The following GABPB1 variants were observed in gnomAD, a reference collection of about 807,000 sequenced individuals.
GABPB1 encodes GA-binding protein subunit beta-1.
A neutral mutation model predicts 45.9 loss-of-function variants in GABPB1; 15 were observed. The observed-to-expected ratio is 0.33, with a 90% CI of 0.22 to 0.50. The LOEUF is 0.50. Ranked by LOEUF, GABPB1 falls within the 20% of genes least tolerant of loss-of-function variation. The probability of loss-of-function intolerance (pLI) is 0.98; values close to 1 mark genes in which losing one functional copy is unlikely to be tolerated. For missense variants in GABPB1, 252 were observed against 457.5 expected, an observed-to-expected ratio of 0.55 and a Z score of 4.10; for synonymous variants, 143 against 154.4, an observed-to-expected ratio of 0.93 and a Z score of 0.55.
chr15:50,297,779 G>C (rs2046574428), intron 6 of GABPB1, among the ~76,000 whole-genome samples: 1 of 152,190 alleles, frequency 6.6e-6, no homozygotes, highest in South Asian at 2.1e-4. Context: ...AGGCTTCAGT[G>C]AGCCAAGATC....
chr15:50,294,345 C>T (rs1296777679), intron 6 of GABPB1, among the ~76,000 whole-genome samples: 1 of 152,098 alleles, frequency 6.6e-6, no homozygotes, highest in Non-Finnish European at 1.5e-5. Flanking sequence ...GAAACCCCGT[C>T]TCTACTAAAA....
intron 2 of GABPB1, among the ~76,000 whole-genome samples, chr15:50,308,415 T>C (rs1346753019): frequency 6.6e-6 from 1 of 152,204 alleles, no homozygotes; most frequent in Non-Finnish European, 1.5e-5. Flanking sequence ...TTTTCCTCTC[T>C]CCATTTGATG....
At chr15:50,350,430 A>C (rs1159638492) in intron 1 of GABPB1, 2 of 149,828 alleles carry the variant, frequency 1.3e-5, no homozygotes, top group Non-Finnish European at 3.0e-5. Context: ...CTTTAAAGGG[A>C]ATTTCCATGT....
intron 2 of GABPB1, among the ~76,000 whole-genome samples, chr15:50,309,419 A>G (rs80210557): frequency 0.019 from 2,821 of 152,314 alleles, 84 homozygotes; most frequent in African/African-American, 0.065. Context: ...AATCCCAAGC[A>G]GATACATTTT....
chr15:50,289,779 C>CATTTTT, intron 6 of GABPB1, 111 bp from the exon 7 acceptor site: 1 of 737,216 alleles, frequency 1.4e-6, no homozygotes, highest in Non-Finnish European at 2.1e-6. Flanking sequence ...TTTCTTTTTT[C>CATTTTT]TTTTTTAAAT....
At chr15:50,289,303 T>C (rs1434831207) in intron 7 of GABPB1, among the ~76,000 whole-genome samples, 180 bp downstream of exon 7, 1 of 152,150 alleles carries the variant, frequency 6.6e-6, no homozygotes. Flanking sequence ...GGTAATTAAG[T>C]CTATTGCAAA....
At position 50,326,994 on chromosome 15, in the gene GABPB1, T is replaced by C. The variant is rs183242815; in HGVS notation, c.1-17196A>G. Among the ~76,000 whole-genome samples the C allele has an allele frequency of 2.2e-4, 33 of 152,358 alleles. No homozygotes were observed. The East Asian group carries it at 6.4e-3, about 29-fold the overall frequency. ...AATGAAGGGGGCCCATGGATTTTAC[T>C]AAATCCTCCTCATCTTTGCCACTGA... On this transcript the variant is annotated intron_variant, in intron 1 of 8. Coordinates refer to ENST00000380877, the MANE Select transcript of GABPB1 (RefSeq NM_016654.5).
intron 1 of GABPB1, among the ~76,000 whole-genome samples, chr15:50,347,046 C>T (rs2048616155): frequency 6.6e-6 from 1 of 151,980 alleles, no homozygotes; most frequent in South Asian, 2.1e-4. Flanking sequence ...CCTCAGCCTC[C>T]CAAAGTGCTG....
At chr15:50,297,013 C>T (rs892674970) in intron 6 of GABPB1, among the ~76,000 whole-genome samples, 11 of 149,736 alleles carry the variant, frequency 7.3e-5, no homozygotes, top group Admixed American at 2.7e-4. Context: ...GAGGTTCAAG[C>T]GATTCTCCTG....
At chr15:50,305,948 T>G (rs1313237497) in intron 2 of GABPB1, among the ~76,000 whole-genome samples, 1 of 151,664 alleles carries the variant, frequency 6.6e-6, no homozygotes, top group Non-Finnish European at 1.5e-5. Flanking sequence ...CACCTGGCCA[T>G]GTAGTTTTTG....
chr15:50,351,373 T>G, intron 1 of GABPB1: 1 of 152,306 alleles, frequency 6.6e-6, no homozygotes, highest in East Asian at 1.9e-4. Context: ...TCCAGAAGTT[T>G]GAGACCAGCC....
Position 50,303,006 on chromosome 15 carries a change from T to C in GABPB1, c.394A>G (p.Thr132Ala). 3 of 1,613,918 alleles carry C rather than the reference T, an allele frequency of 1.9e-6. No homozygotes were observed. Among genetic ancestry groups the C allele is most frequent in the Non-Finnish European group, 2.5e-6 (3 of 1,179,854 alleles). ...LLIKYGADVH[T>A]QSKFCKTAFD... Reference sequence around the variant, plus strand: ...GCAGTTTTACAAAATTTACTTTGCGTGTGTACATCAGCACCATATTTGATT... The same window carrying C: ...GCAGTTTTACAAAATTTACTTTGCGCGTGTACATCAGCACCATATTTGATT... The change falls in exon 4 of 9, where the codon ACG becomes GCG. Residue 132 changes from threonine to alanine, a missense_variant. Transcript: ENST00000380877.
chr15:50,353,354 G>A (rs888821671), intron 1 of GABPB1: 1 of 151,760 alleles, frequency 6.6e-6, no homozygotes, highest in Admixed American at 6.6e-5. Flanking sequence ...CTTGTATGGT[G>A]AAAGCACGGT....
In GABPB1 at chr15:50,316,418, C is replaced by T. The variant is rs546356086; in HGVS notation, c.1-6620G>A. Reference sequence around the variant, plus strand: ...CTAGTTCCACGTGAATGGTTACTAGCACTCTTAAATAAGAATATGAATTTT... The same window carrying T: ...CTAGTTCCACGTGAATGGTTACTAGTACTCTTAAATAAGAATATGAATTTT... On this transcript the variant is annotated intron_variant, in intron 1 of 8. Coordinates refer to ENST00000380877, the MANE Select transcript of GABPB1 (RefSeq NM_016654.5). Among the ~76,000 whole-genome samples the T allele has an allele frequency of 2.0e-5, 3 of 152,260 alleles. No homozygotes were observed. In the South Asian group the frequency reaches 6.2e-4, roughly 32 times the overall value.
intron 1 of GABPB1, among the ~76,000 whole-genome samples, chr15:50,319,709 C>T (rs929175881): frequency 2.6e-5 from 4 of 151,782 alleles, no homozygotes; most frequent in Admixed American, 6.6e-5. Flanking sequence ...TAGTGGCAGG[C>T]GCCTGTAATC....
At chr15:50,322,788 AGGCTGAG>A (rs1488317181) in intron 1 of GABPB1, among the ~76,000 whole-genome samples, 4 of 152,110 alleles carry the variant, frequency 2.6e-5, no homozygotes, top group Non-Finnish European at 5.9e-5. Context: ...ACACTTTGGG[AGGCTGAG>A]GCGGGTGGAT....
intron 6 of GABPB1, among the ~76,000 whole-genome samples, chr15:50,299,597 C>T (rs1025232772): frequency 6.6e-6 from 1 of 152,066 alleles, no homozygotes; most frequent in South Asian, 2.1e-4. Context: ...CGGGATTTCT[C>T]CATATTGGTC....
chr15:50,296,751 G>A (rs763177212), intron 6 of GABPB1, among the ~76,000 whole-genome samples: 44 of 152,074 alleles, frequency 2.9e-4, no homozygotes, highest in Non-Finnish European at 5.1e-4. Flanking sequence ...AACATTTCGA[G>A]AATCAGGATG....
intron 1 of GABPB1, among the ~76,000 whole-genome samples, chr15:50,329,352 A>G (rs2141120455): frequency 6.6e-6 from 1 of 152,320 alleles, no homozygotes; most frequent in East Asian, 1.9e-4. Flanking sequence ...ATTCAGGTTC[A>G]AAATTATAGG....
Sources: allele counts gnomAD v4.1 joint callset (sites outside exome capture counted in the v4.1 genomes callset), GRCh38; gene constraint gnomAD v4.1.1; transcripts MANE v1.5; gene names NCBI Gene and HGNC (gene_info 2026-07-23, HGNC 2026-07-21).